The following NKAIN2 variants were observed in gnomAD, a reference collection of about 807,000 sequenced individuals.
The protein encoded by NKAIN2 is sodium/potassium transporting ATPase interacting 2.
NKAIN2 carries 14 observed loss-of-function variants against 32.6 expected under a neutral mutation model. The observed-to-expected ratio is 0.43, with a 90% CI of 0.28 to 0.67. The LOEUF is 0.67. Among genes scored for constraint, NKAIN2 ranks in the 30% least tolerant of loss-of-function variants. The probability of loss-of-function intolerance (pLI) is 0.17; values close to 1 mark genes in which losing one functional copy is unlikely to be tolerated. For synonymous variants in NKAIN2, 80 were observed against 87.2 expected (o/e 0.92, Z 0.46); for missense variants, 198 against 258.3 (o/e 0.77, Z 1.60).
At chr6:124,554,302 G>A (rs1475315148) in intron 3 of NKAIN2, among the ~76,000 whole-genome samples, 1 of 152,170 alleles carries the variant, frequency 6.6e-6, no homozygotes, top group Non-Finnish European at 1.5e-5. Context: ...CAGTTTTTCT[G>A]CTGCCAGTGT....
chr6:124,265,261 T>G (rs1271562943), intron 1 of NKAIN2, among the ~76,000 whole-genome samples: 2 of 152,256 alleles, frequency 1.3e-5, no homozygotes, highest in East Asian at 3.9e-4. Context: ...TCATGTTTGC[T>G]ATCCATGTCT....
intron 1 of NKAIN2, among the ~76,000 whole-genome samples, chr6:124,267,671 G>T (rs1443124256): frequency 6.6e-6 from 1 of 152,092 alleles, no homozygotes; most frequent in African/African-American, 2.4e-5. Flanking sequence ...TAGACATTGG[G>T]ACTAATAGTC....
At chr6:124,081,231 T>A (rs1038504673) in intron 1 of NKAIN2, among the ~76,000 whole-genome samples, 1 of 152,116 alleles carries the variant, frequency 6.6e-6, no homozygotes. Context: ...TAGTTATTCA[T>A]ATGCATAAAT....
In NKAIN2 at chr6:124,396,439, A is replaced by G. The variant is rs534839117; in HGVS notation, c.273+41092A>G. Among the ~76,000 whole-genome samples, 174 of 151,392 alleles carry G rather than the reference A, an allele frequency of 1.1e-3. 1 individual carries two copies. Among genetic ancestry groups the G allele is most frequent in the Non-Finnish European group, 2.0e-3 (137 of 67,800 alleles). ...ACCTGCTATTTGATTAAAAAAAAAAAAAAGAAAAGAAAAAAAGAGATTCAA... is the reference window on the plus strand; with the variant it reads ...ACCTGCTATTTGATTAAAAAAAAAAGAAAGAAAAGAAAAAAAGAGATTCAA... On this transcript the variant is annotated intron_variant, in intron 3 of 6. Coordinates refer to ENST00000368417, the MANE Select transcript of NKAIN2 (RefSeq NM_001040214.3).
At chr6:124,803,027 G>C (rs964472880) in intron 5 of NKAIN2, among the ~76,000 whole-genome samples, 1 of 152,118 alleles carries the variant, frequency 6.6e-6, no homozygotes, top group Non-Finnish European at 1.5e-5. Flanking sequence ...CTCATTGCTG[G>C]AGAAAGTAAC....
intron 1 of NKAIN2, among the ~76,000 whole-genome samples, chr6:124,217,346 G>A (rs1346290209): frequency 6.6e-6 from 1 of 151,686 alleles, no homozygotes; most frequent in Admixed American, 6.6e-5. Context: ...TAAAAATAAA[G>A]TTTTGATAAT....
chr6:124,207,654 G>A (rs1329777026), intron 1 of NKAIN2, among the ~76,000 whole-genome samples: 4 of 151,708 alleles, frequency 2.6e-5, no homozygotes, highest in Admixed American at 1.3e-4. Context: ...ATGAGTAAAT[G>A]AACTTTAAAA....
At position 124,779,252 on chromosome 6, in the gene NKAIN2, AG is replaced by A. The variant is rs1779133675; in HGVS notation, c.475-12086del. Among the ~76,000 whole-genome samples the A allele has an allele frequency of 6.0e-4, 12 of 19,992 alleles. 1 individual carries two copies. The South Asian group carries it at 0.029, about 48-fold the overall frequency. The allele number at this position is 19,992 out of a possible 152,430, so 13.1% of individuals were successfully genotyped here. ...GAGCCAGACTCCAACAAAGAAAGAG[AG>A]AGAGAGAGAGAGAGAGAGAGAGAGA... On this transcript the variant is annotated intron_variant, in intron 4 of 6. Coordinates refer to ENST00000368417, the MANE Select transcript of NKAIN2 (RefSeq NM_001040214.3).
At chr6:123,939,702 A>AAGG (rs1448259755) in intron 1 of NKAIN2, among the ~76,000 whole-genome samples, 29 of 152,124 alleles carry the variant, frequency 1.9e-4, no homozygotes, top group African/African-American at 6.7e-4. Flanking sequence ...ATCAGAACCT[A>AAGG]CAGTTTGAAA....
At chr6:124,427,763 C>T (rs947434140) in intron 3 of NKAIN2, among the ~76,000 whole-genome samples, 1 of 152,142 alleles carries the variant, frequency 6.6e-6, no homozygotes, top group Non-Finnish European at 1.5e-5. Context: ...AGGTTCCTCA[C>T]TGGTCTTATA....
intron 1 of NKAIN2, among the ~76,000 whole-genome samples, chr6:124,038,219 T>A (rs1293997663): frequency 6.6e-6 from 1 of 152,022 alleles, no homozygotes; most frequent in Non-Finnish European, 1.5e-5. Flanking sequence ...AGTGATATGG[T>A]CTGCAATTCA....
chr6:123,985,207 T>C (rs1779081547), intron 1 of NKAIN2, among the ~76,000 whole-genome samples: 2 of 152,142 alleles, frequency 1.3e-5, no homozygotes, highest in South Asian at 4.1e-4. Context: ...TGAGACCAGC[T>C]GGCCAACATG....
intron 2 of NKAIN2, among the ~76,000 whole-genome samples, chr6:124,352,045 C>A (rs1361221382): frequency 6.6e-6 from 1 of 152,156 alleles, no homozygotes; most frequent in Non-Finnish European, 1.5e-5. Flanking sequence ...CATTCCCATA[C>A]AAGCCATGGA....
intron 3 of NKAIN2, among the ~76,000 whole-genome samples, chr6:124,620,039 G>A (rs1783049757): frequency 6.6e-6 from 1 of 152,098 alleles, no homozygotes; most frequent in Admixed American, 6.5e-5. Context: ...ATGTTTTAAA[G>A]CTACCTGGCT....
At chr6:124,408,662 A>G (rs935154641) in intron 3 of NKAIN2, among the ~76,000 whole-genome samples, 1 of 152,028 alleles carries the variant, frequency 6.6e-6, no homozygotes, top group African/African-American at 2.4e-5. Flanking sequence ...TTGGCTTAGG[A>G]TTGTCTTGGC....
At chr6:124,436,384 A>G (rs968799112) in intron 3 of NKAIN2, among the ~76,000 whole-genome samples, 4 of 152,156 alleles carry the variant, frequency 2.6e-5, no homozygotes, top group African/African-American at 7.2e-5. Context: ...GAATTTATAA[A>G]TGCTTGTTTT....
intron 3 of NKAIN2, among the ~76,000 whole-genome samples, chr6:124,548,105 G>A (rs1396076834): frequency 6.6e-6 from 1 of 152,124 alleles, no homozygotes; most frequent in East Asian, 1.9e-4. Flanking sequence ...AAAGCAGAAG[G>A]TGTTAATATA....
At chr6:124,808,827 A>G (rs2114853095) in intron 5 of NKAIN2, among the ~76,000 whole-genome samples, 1 of 152,316 alleles carries the variant, frequency 6.6e-6, no homozygotes, top group African/African-American at 2.4e-5. Context: ...AAGCATTCTT[A>G]TACACCAATA....
chr6:123,932,434 T>TTTTTTC (rs1481221049), intron 1 of NKAIN2, among the ~76,000 whole-genome samples: 55 of 91,826 alleles, frequency 6.0e-4, no homozygotes, highest in Non-Finnish European at 9.5e-4. Context: ...TTTTTTTTTT[T>TTTTTTC]GAGAAAGAGT....
Sources: allele counts gnomAD v4.1 joint callset (sites outside exome capture counted in the v4.1 genomes callset), GRCh38; gene constraint gnomAD v4.1.1; transcripts MANE v1.5; gene names NCBI Gene and HGNC (gene_info 2026-07-23, HGNC 2026-07-21).